MACROD1: variants seen among roughly 807,000 people sequenced by gnomAD.
The protein encoded by MACROD1 is mono-ADP ribosylhydrolase 1, also known as ADP-ribose glycohydrolase MACROD1.
MACROD1 carries 31 observed loss-of-function variants against 41.4 expected under a neutral mutation model. That is an observed-to-expected ratio of 0.75 (90% CI 0.56 to 1.01). The LOEUF is 1.01. Among genes scored for constraint, MACROD1 ranks in the 50% least tolerant of loss-of-function variants. The pLI, the probability that MACROD1 is intolerant of heterozygous loss-of-function variation, is 0.00. For synonymous variants in MACROD1, 252 were observed against 203.4 expected, an observed-to-expected ratio of 1.24 and a Z score of -2.03; for missense variants, 473 against 460.0, an observed-to-expected ratio of 1.03 and a Z score of -0.26.
intron 1 of MACROD1, among the ~76,000 whole-genome samples, chr11:64,162,858 C>T (rs934518047): frequency 9.9e-5 from 15 of 151,388 alleles, no homozygotes; most frequent in East Asian, 1.9e-4. Flanking sequence ...CAGTGACTCA[C>T]GCCTGTAACC....
At chr11:64,018,904 GCT>G (rs1943117014) in intron 3 of MACROD1, among the ~76,000 whole-genome samples, 1 of 152,212 alleles carries the variant, frequency 6.6e-6, no homozygotes, top group South Asian at 2.1e-4. Flanking sequence ...GCGGGCAGTG[GCT>G]GTGTGAGGTG....
chr11:64,092,423 G>A (rs546389616), intron 3 of MACROD1, among the ~76,000 whole-genome samples: 1 of 152,346 alleles, frequency 6.6e-6, no homozygotes, highest in Non-Finnish European at 1.5e-5. Context: ...CCTGCCTATG[G>A]AGGGCTGGTG....
At chr11:64,004,077 G>GC (rs897289137) in intron 4 of MACROD1, among the ~76,000 whole-genome samples, 4 of 152,210 alleles carry the variant, frequency 2.6e-5, no homozygotes, top group Non-Finnish European at 5.9e-5. Flanking sequence ...CCAAGCCCTG[G>GC]CCTCTGAGCG....
At chr11:64,066,226 G>T (rs1486359592) in intron 3 of MACROD1, among the ~76,000 whole-genome samples, 1 of 150,208 alleles carries the variant, frequency 6.7e-6, no homozygotes, top group Non-Finnish European at 1.5e-5. Flanking sequence ...GAACCTGGGA[G>T]GCGGAGGTTG....
chr11:64,155,392 T>C (rs1050103734), intron 1 of MACROD1, among the ~76,000 whole-genome samples: 3 of 152,208 alleles, frequency 2.0e-5, no homozygotes, highest in African/African-American at 7.2e-5. Flanking sequence ...GGCTGCGCCT[T>C]TTCTTCTGTT....
intron 3 of MACROD1, among the ~76,000 whole-genome samples, chr11:64,111,214 G>A (rs1240619576): frequency 6.6e-6 from 1 of 152,242 alleles, no homozygotes; most frequent in African/African-American, 2.4e-5. Context: ...TAACAAGTTT[G>A]CCCCCTACTT....
intron 3 of MACROD1, among the ~76,000 whole-genome samples, chr11:64,058,690 G>A (rs542311805): frequency 1.3e-5 from 2 of 152,372 alleles, no homozygotes; most frequent in East Asian, 1.9e-4. Flanking sequence ...GGCTGCAACC[G>A]CTCATTTCCT....
intron 3 of MACROD1, among the ~76,000 whole-genome samples, chr11:64,075,322 T>A (rs2134473131): frequency 6.6e-6 from 1 of 152,384 alleles, no homozygotes; most frequent in Middle Eastern, 3.4e-3. Flanking sequence ...TCACCCTGTT[T>A]AGACAGAAGT....
chr11:64,070,602 C>T (rs1462267905), intron 3 of MACROD1, among the ~76,000 whole-genome samples: 1 of 152,212 alleles, frequency 6.6e-6, no homozygotes, highest in Non-Finnish European at 1.5e-5. Flanking sequence ...CGGAGGGGCC[C>T]CCTTCCCAGA....
rs769448815 is a variant in MACROD1 at position 64,117,628 on chromosome 11, C to T, written c.517+33611G>A. ...CTGACGGCAGACTCCATCCGCATCACGTGGAAGGCCACGCTCCCCGCCTCC... is the reference window on the plus strand; with the variant it reads ...CTGACGGCAGACTCCATCCGCATCATGTGGAAGGCCACGCTCCCCGCCTCC... On this transcript the variant is annotated intron_variant, in intron 3 of 10. Transcript: ENST00000255681. The T allele has an allele frequency of 6.2e-6, 10 of 1,613,790 alleles. No homozygotes were observed. The Admixed American group carries it at 6.7e-5, about 11-fold the overall frequency.
At chr11:64,063,643 G>A (rs1054318794) in intron 3 of MACROD1, among the ~76,000 whole-genome samples, 1 of 152,214 alleles carries the variant, frequency 6.6e-6, no homozygotes, top group African/African-American at 2.4e-5. Context: ...AGTGGGGTTT[G>A]TGTGACGTGG....
intron 3 of MACROD1, among the ~76,000 whole-genome samples, chr11:64,093,935 C>T (rs1273752513): frequency 2.6e-5 from 4 of 152,242 alleles, no homozygotes; most frequent in Admixed American, 1.3e-4. Flanking sequence ...AATCACCTTG[C>T]TCTGCAGAAG....
At chr11:64,138,994 T>C (rs1394608205) in intron 3 of MACROD1, among the ~76,000 whole-genome samples, 1 of 152,196 alleles carries the variant, frequency 6.6e-6, no homozygotes, top group African/African-American at 2.4e-5. Flanking sequence ...CTTGAACTCC[T>C]GACCTCAGGT....
In MACROD1 at chr11:64,082,405, G is replaced by C. The variant is rs886559039; in HGVS notation, c.518-67124C>G. 6.6e-6 allele frequency among the ~76,000 whole-genome samples: 1 copy of C among 151,992 alleles called. No individual in the cohort carries two copies. Among genetic ancestry groups the C allele is most frequent in the African/African-American group, 2.4e-5 (1 of 41,380 alleles). On this transcript the variant is annotated intron_variant, in intron 3 of 10. Transcript: ENST00000255681. This position sits in a 1 kb window ranked among gnomAD's most constrained non-coding sequence, Gnocchi z 4.5. The stretch of plus-strand genomic sequence containing the variant: ...ATTGATGGCTGGGAGGGAGCCTGAA[G>C]TGGGGGCGTCCTAAGGTGAGGGGCA...
intron 3 of MACROD1, among the ~76,000 whole-genome samples, chr11:64,072,282 G>A (rs967534697): frequency 2.6e-5 from 4 of 152,186 alleles, no homozygotes; most frequent in African/African-American, 9.7e-5. Context: ...GCCGGCCCTG[G>A]AGAGCCAGGC....
At chr11:64,026,662 TAA>T (rs1206508900) in intron 3 of MACROD1, among the ~76,000 whole-genome samples, 7 of 152,160 alleles carry the variant, frequency 4.6e-5, no homozygotes, top group African/African-American at 1.4e-4. Flanking sequence ...ATACTTAGAA[TAA>T]AATCCATGCT....
intron 3 of MACROD1, 58 bp downstream of exon 3, chr11:64,151,181 G>A (rs1170444051): frequency 1.4e-6 from 2 of 1,440,102 alleles, no homozygotes; most frequent in Non-Finnish European, 1.9e-6. Context: ...TGGCACAGCA[G>A]AGCAGAGCAA....
chr11:64,158,618 TG>T (rs1264063668), intron 1 of MACROD1, among the ~76,000 whole-genome samples: 1 of 152,156 alleles, frequency 6.6e-6, no homozygotes, highest in Non-Finnish European at 1.5e-5. Context: ...ATGAGGAAAC[TG>T]AGGCTTGGAG....
In MACROD1 at chr11:64,082,408, G is replaced by T. The variant is rs747428002; in HGVS notation, c.518-67127C>A. On this transcript the variant is annotated intron_variant, in intron 3 of 10. Transcript: ENST00000255681. This position sits in a 1 kb window ranked among gnomAD's most constrained non-coding sequence, Gnocchi z 4.5. ...GATGGCTGGGAGGGAGCCTGAAGTG[G>T]GGGCGTCCTAAGGTGAGGGGCAGGC... Among the ~76,000 whole-genome samples the T allele has an allele frequency of 6.6e-6, 1 of 152,000 alleles. No homozygotes were observed. The highest frequency in any genetic ancestry group is 1.5e-5 in the Non-Finnish European group (1 of 67,980).
Sources: gnomAD v4.1 joint callset for allele counts (sites outside exome capture counted in the v4.1 genomes callset) on GRCh38, gnomAD v4.1.1 for gene constraint, Gnocchi (gnomAD v3.1) non-coding constraint, MANE v1.5 for transcripts, NCBI Gene and HGNC (gene_info 2026-07-23, HGNC 2026-07-21) for gene names.